ASTN2: variants seen among roughly 807,000 people sequenced by gnomAD.
The protein encoded by ASTN2 is astrotactin 2.
ASTN2 carries 54 observed loss-of-function variants against 139.8 expected under a neutral mutation model. That is an observed-to-expected ratio of 0.39 (90% CI 0.31 to 0.48). The LOEUF (loss-of-function observed/expected upper bound fraction) is 0.48. Ranked by LOEUF, ASTN2 falls within the 20% of genes least tolerant of loss-of-function variation. The pLI, the probability that ASTN2 is intolerant of heterozygous loss-of-function variation, is 0.95. For missense variants in ASTN2, 1,565 were observed against 1,725.1 expected, an observed-to-expected ratio of 0.91 and a Z score of 1.64; for synonymous variants, 756 against 719.5, an observed-to-expected ratio of 1.05 and a Z score of -0.81.
At chr9:117,167,939 C>T (rs1004879400) in intron 3 of ASTN2, among the ~76,000 whole-genome samples, 7 of 152,146 alleles carry the variant, frequency 4.6e-5, no homozygotes, top group African/African-American at 1.7e-4. Flanking sequence ...AAGAACTGAT[C>T]TAAATTTTAG....
intron 3 of ASTN2, among the ~76,000 whole-genome samples, chr9:117,185,864 G>A (rs1831183355): frequency 6.6e-6 from 1 of 152,210 alleles, no homozygotes; most frequent in South Asian, 2.1e-4. Context: ...AGAGCTACTT[G>A]AGGCAGAATC....
chr9:117,334,827 G>T (rs976769716), intron 1 of ASTN2, among the ~76,000 whole-genome samples: 1 of 152,182 alleles, frequency 6.6e-6, no homozygotes. Flanking sequence ...GCCGAGGCAG[G>T]TGGATCACCT....
intron 16 of ASTN2, among the ~76,000 whole-genome samples, chr9:116,669,237 C>T (rs1212187433): frequency 6.6e-6 from 1 of 152,196 alleles, no homozygotes; most frequent in African/African-American, 2.4e-5. Context: ...GCATAAATCA[C>T]CCCTTAATTT....
intron 14 of ASTN2, among the ~76,000 whole-genome samples, chr9:116,729,378 C>T (rs956162784): frequency 6.6e-6 from 1 of 152,200 alleles, no homozygotes; most frequent in Non-Finnish European, 1.5e-5. Context: ...ACCCCATTTG[C>T]AATTTGCCAC....
intron 13 of ASTN2, among the ~76,000 whole-genome samples, chr9:116,766,797 C>CAT (rs1269765785): frequency 6.6e-6 from 1 of 151,410 alleles, no homozygotes; most frequent in Non-Finnish European, 1.5e-5. Flanking sequence ...TCTAAACACA[C>CAT]ACACATTCAT....
intron 12 of ASTN2, among the ~76,000 whole-genome samples, chr9:116,820,180 T>C (rs914154787): frequency 2.0e-5 from 3 of 152,152 alleles, no homozygotes; most frequent in Admixed American, 2.0e-4. Flanking sequence ...CTCACATTGC[T>C]ACATTCCTGC....
intron 13 of ASTN2, among the ~76,000 whole-genome samples, chr9:116,784,123 T>C (rs1830298591): frequency 6.6e-6 from 1 of 152,294 alleles, no homozygotes; most frequent in Non-Finnish European, 1.5e-5. Context: ...AATGGATAAA[T>C]GGATCAAGAC....
chr9:117,237,732 G>C (rs1045542933), intron 2 of ASTN2, among the ~76,000 whole-genome samples: 42 of 152,160 alleles, frequency 2.8e-4, no homozygotes, highest in African/African-American at 9.4e-4. Flanking sequence ...GCTCACCTTG[G>C]CCTCTCAAAG....
chr9:117,387,647 C>T (rs1403970495), intron 1 of ASTN2, among the ~76,000 whole-genome samples: 1 of 152,116 alleles, frequency 6.6e-6, no homozygotes, highest in African/African-American at 2.4e-5. Context: ...GGGAGAATGG[C>T]AGGATACGAG....
chr9:117,013,617 C>A (rs547144744), intron 6 of ASTN2, among the ~76,000 whole-genome samples: 1 of 151,854 alleles, frequency 6.6e-6, no homozygotes, highest in Non-Finnish European at 1.5e-5. Context: ...TGCACGGGCA[C>A]GGAGGTCCTC....
At chr9:116,915,274 G>C (rs962558354) in intron 10 of ASTN2, among the ~76,000 whole-genome samples, 7 of 152,166 alleles carry the variant, frequency 4.6e-5, no homozygotes, top group Non-Finnish European at 8.8e-5. Flanking sequence ...CAAACTTCTT[G>C]GGAAGAGGCT....
At chr9:116,732,055 T>C (rs1208042905) in intron 14 of ASTN2, among the ~76,000 whole-genome samples, 1 of 152,242 alleles carries the variant, frequency 6.6e-6, no homozygotes, top group Non-Finnish European at 1.5e-5. Flanking sequence ...TGTAACATTT[T>C]ACAAGGTGTC....
chr9:117,287,098 G>A (rs1744303540), intron 2 of ASTN2, among the ~76,000 whole-genome samples: 1 of 152,110 alleles, frequency 6.6e-6, no homozygotes, highest in South Asian at 2.1e-4. Context: ...AAATAATAGA[G>A]GTGCTGCACT....
At chr9:116,813,658 A>G (rs576176382) in intron 12 of ASTN2, among the ~76,000 whole-genome samples, 1 of 152,280 alleles carries the variant, frequency 6.6e-6, no homozygotes, top group African/African-American at 2.4e-5. Flanking sequence ...TTTATTCTTC[A>G]ATGGTTTGTG....
intron 3 of ASTN2, among the ~76,000 whole-genome samples, chr9:117,161,350 T>C (rs932729503): frequency 5.9e-5 from 9 of 152,008 alleles, no homozygotes; most frequent in African/African-American, 2.2e-4. Flanking sequence ...AGCGCTTCCA[T>C]TGAGGAGAAC....
chr9:117,110,123 A>T (rs1160729820), intron 4 of ASTN2, among the ~76,000 whole-genome samples: 1 of 152,220 alleles, frequency 6.6e-6, no homozygotes, highest in African/African-American at 2.4e-5. Context: ...CTTTTGAAAT[A>T]AAAAAGTTAT....
At chr9:116,681,265 C>T (rs1428834233) in intron 16 of ASTN2, among the ~76,000 whole-genome samples, 1 of 152,140 alleles carries the variant, frequency 6.6e-6, no homozygotes, top group Non-Finnish European at 1.5e-5. Context: ...AAGTGAACTC[C>T]CATTCACAAT....
chr9:116,821,549 C>CT (rs1415025819), intron 11 of ASTN2, among the ~76,000 whole-genome samples: 6 of 152,160 alleles, frequency 3.9e-5, no homozygotes. Context: ...CCAGTCAGGC[C>CT]TTCTCAAAAC....
chr9:116,505,216 T>C (rs1162968446), intron 19 of ASTN2, among the ~76,000 whole-genome samples: 1 of 151,750 alleles, frequency 6.6e-6, no homozygotes, highest in Non-Finnish European at 1.5e-5. Flanking sequence ...TAGTATCTGA[T>C]AGTCTACTCA....
Sources: allele counts gnomAD v4.1 joint callset (sites outside exome capture counted in the v4.1 genomes callset), GRCh38; gene constraint gnomAD v4.1.1; transcripts MANE v1.5; gene names NCBI Gene and HGNC (gene_info 2026-07-23, HGNC 2026-07-21).